Variants in LAMA3 observed in about 807,000 individuals in gnomAD.
LAMA3 encodes laminin subunit alpha-3.
LAMA3 carries 281 observed loss-of-function variants against 402.0 expected under a neutral mutation model. The ratio of observed to expected loss-of-function variants is 0.70; its 90% CI spans 0.63 to 0.77. The LOEUF (loss-of-function observed/expected upper bound fraction) is 0.77, where lower values mean the gene tolerates loss of function less well. LAMA3 is among the 30% of genes least tolerant of loss of function. The probability of loss-of-function intolerance (pLI) is 0.00; values close to 1 mark genes in which losing one functional copy is unlikely to be tolerated. For synonymous variants in LAMA3, 1,431 were observed against 1,558.4 expected (o/e 0.92, Z 1.93); for missense variants, 3,840 against 4,215.5 (o/e 0.91, Z 2.47).
At chr18:23,744,194 G>C (rs1365289097) in intron 2 of LAMA3, among the ~76,000 whole-genome samples, 1 of 152,196 alleles carries the variant, frequency 6.6e-6, no homozygotes, top group Admixed American at 6.5e-5. Flanking sequence ...GAGATTTGCT[G>C]CAGAGCTGGA....
chr18:23,750,318 C>A (rs2061723354), intron 4 of LAMA3, among the ~76,000 whole-genome samples: 1 of 151,842 alleles, frequency 6.6e-6, no homozygotes, highest in African/African-American at 2.4e-5. Context: ...AGAGATCTTA[C>A]TTGAGCATGT....
intron 23 of LAMA3, among the ~76,000 whole-genome samples, chr18:23,833,044 T>G (rs1218268988): frequency 1.3e-5 from 2 of 152,158 alleles, no homozygotes; most frequent in Non-Finnish European, 2.9e-5. Context: ...CATACAGATG[T>G]TAAGTAACTT....
chr18:23,719,614 A>G (rs2061173579), intron 2 of LAMA3, among the ~76,000 whole-genome samples: 1 of 152,100 alleles, frequency 6.6e-6, no homozygotes, highest in African/African-American at 2.4e-5. Flanking sequence ...GCCAGATGCA[A>G]ATACAGGATC....
At chr18:23,761,271 C>T (rs1253522154) in intron 7 of LAMA3, among the ~76,000 whole-genome samples, 4 of 152,138 alleles carry the variant, frequency 2.6e-5, no homozygotes, top group African/African-American at 9.7e-5. Flanking sequence ...GCAAACAAAA[C>T]ACATACAGCC....
intron 1 of LAMA3, among the ~76,000 whole-genome samples, chr18:23,692,635 T>C (rs938566863): frequency 2.0e-5 from 3 of 152,180 alleles, no homozygotes; most frequent in African/African-American, 4.8e-5. Context: ...AAAATATTAA[T>C]GTTAGAAAAT....
chr18:23,785,996 G>A (rs910731623), intron 12 of LAMA3, among the ~76,000 whole-genome samples: 6 of 152,202 alleles, frequency 3.9e-5, no homozygotes, highest in Middle Eastern at 3.2e-3. Context: ...CAGAGGGGAG[G>A]AAGGACTTCC....
At chr18:23,796,273 G>A (rs998046920) in intron 12 of LAMA3, 14 of 208,492 alleles carry the variant, frequency 6.7e-5, no homozygotes, top group African/African-American at 2.3e-4. Context: ...TGGACCACAT[G>A]CCAGTTCTGG....
chr18:23,875,332 G>T (rs116494468), intron 38 of LAMA3, among the ~76,000 whole-genome samples: 453 of 152,160 alleles, frequency 3.0e-3, no homozygotes, highest in African/African-American at 0.01. Context: ...AAAGATATTA[G>T]TTCATGAAAA....
rs117658119 is a variant in LAMA3, at chr18:23,747,282, C to A, written c.448-661C>A. Among the ~76,000 whole-genome samples the A allele has an allele frequency of 1.4e-4, 22 of 152,238 alleles. No individual in the cohort carries two copies. In the East Asian group the frequency reaches 4.2e-3, roughly 29 times the overall value. On this transcript the variant is annotated intron_variant, in intron 2 of 74. Transcript: ENST00000313654. The stretch of plus-strand genomic sequence containing the variant: ...GCTCCTGGGATTCACACATGAGGCA[C>A]CATGGAGTTGAAGAGTGGGAGGTGA...
intron 32 of LAMA3, among the ~76,000 whole-genome samples, chr18:23,852,438 G>A (rs186379237): frequency 4.9e-4 from 75 of 152,266 alleles, no homozygotes; most frequent in Admixed American, 7.8e-4. Context: ...GTTTGTTTTT[G>A]TTATTTTAAT....
chr18:23,939,472 A>C, intron 68 of LAMA3, 86 bp downstream of exon 68: 1 of 1,354,236 alleles, frequency 7.4e-7, no homozygotes, highest in Non-Finnish European at 1.1e-6. Flanking sequence ...CCATGACACC[A>C]TGCAGCTCTC....
chr18:23,845,247 T>A, intron 30 of LAMA3, 123 bp downstream of exon 30: 1 of 698,508 alleles, frequency 1.4e-6, no homozygotes, highest in Admixed American at 2.0e-5. Context: ...CCCAAGAGAG[T>A]GTCAGTGAGT....
intron 65 of LAMA3, chr18:23,931,440 T>A: frequency 2.0e-6 from 1 of 493,190 alleles, no homozygotes. Context: ...GAGGGTTGCT[T>A]GAGGCCAAGA....
intron 12 of LAMA3, among the ~76,000 whole-genome samples, chr18:23,788,807 G>T (rs1005840767): frequency 6.6e-6 from 1 of 151,616 alleles, no homozygotes; most frequent in East Asian, 1.9e-4. Context: ...ACTCGAAAGG[G>T]CACTATCAAA....
At position 23,901,103 on chromosome 18, in the gene LAMA3, A is replaced by G. The variant is rs1418595929; in HGVS notation, c.6005-24A>G. 3.1e-6 allele frequency: 5 copies of G among 1,603,574 alleles called. No homozygotes were observed. In the South Asian group the frequency reaches 5.5e-5, roughly 18 times the overall value. ...TTCAGTATGCTCATCTGTCAAATAG[A>G]AAACATGAGGTGATGTATTACAGTG... On this transcript the variant is annotated intron_variant, in intron 47 of 74. Transcript: ENST00000313654.
Position 23,839,717 on chromosome 18 carries a change from C to G in LAMA3, c.3192-68C>G. The G allele has an allele frequency of 6.4e-7, 1 of 1,551,836 alleles. No individual in the cohort carries two copies. Among genetic ancestry groups the G allele is most frequent in the Non-Finnish European group, 8.9e-7 (1 of 1,124,190 alleles). On this transcript the variant is annotated intron_variant, in intron 26 of 74. Transcript: ENST00000313654. The surrounding 1 kb of genome is among the most constrained non-coding windows in gnomAD (Gnocchi z 4.5). Reference sequence around the variant, plus strand: ...GTCCTATGCTCCAAGTCTGTCTCTTCACTGATGGTCAGTTCTGTAGCTTTG... The same window carrying G: ...GTCCTATGCTCCAAGTCTGTCTCTTGACTGATGGTCAGTTCTGTAGCTTTG...
At chr18:23,942,599 A>G (rs574193636) in intron 68 of LAMA3, among the ~76,000 whole-genome samples, 1 of 117,440 alleles carries the variant, frequency 8.5e-6, no homozygotes, top group East Asian at 2.5e-4. Context: ...TTTTTTTTTT[A>G]GACAGAGCCG....
At chr18:23,824,861 T>C (rs2063351005) in intron 21 of LAMA3, among the ~76,000 whole-genome samples, 1 of 152,224 alleles carries the variant, frequency 6.6e-6, no homozygotes, top group East Asian at 1.9e-4. Flanking sequence ...ATGCGAAGCC[T>C]TCATGAGTAT....
chr18:23,756,438 C>T (rs1213681452), intron 6 of LAMA3, among the ~76,000 whole-genome samples: 3 of 144,344 alleles, frequency 2.1e-5, no homozygotes, highest in African/African-American at 7.7e-5. Flanking sequence ...ACACCCCCGC[C>T]GCTTCCCCCG....
Sources: allele counts gnomAD v4.1 joint callset (sites outside exome capture counted in the v4.1 genomes callset), GRCh38; gene constraint gnomAD v4.1.1; non-coding constraint Gnocchi (gnomAD v3.1); transcripts MANE v1.5; gene names NCBI Gene and HGNC (gene_info 2026-07-23, HGNC 2026-07-21).